ESF1: variants seen among roughly 807,000 people sequenced by gnomAD.
The protein encoded by ESF1 is ESF1 homolog.
A neutral mutation model predicts 92.0 loss-of-function variants in ESF1; 58 were observed. The ratio of observed to expected loss-of-function variants is 0.63; its 90% CI spans 0.51 to 0.78. The LOEUF (loss-of-function observed/expected upper bound fraction) is 0.78, where lower values mean the gene tolerates loss of function less well. Ranked by LOEUF, ESF1 falls within the 30% of genes least tolerant of loss-of-function variation. The probability of loss-of-function intolerance (pLI) is 0.00; values close to 1 mark genes in which losing one functional copy is unlikely to be tolerated. For missense variants in ESF1, 922 were observed against 989.1 expected, an observed-to-expected ratio of 0.93 and a Z score of 0.91; for synonymous variants, 321 against 313.7, an observed-to-expected ratio of 1.02 and a Z score of -0.24.
chr20:13,740,479 TAG>T (rs2050005054), intron 9 of ESF1, among the ~76,000 whole-genome samples: 1 of 152,106 alleles, frequency 6.6e-6, no homozygotes, highest in Admixed American at 6.5e-5. Flanking sequence ...CAGCACGTTG[TAG>T]AGATTCAAAG....
intron 9 of ESF1, among the ~76,000 whole-genome samples, chr20:13,745,897 AATAC>A (rs2147745205): frequency 6.8e-6 from 1 of 146,870 alleles, no homozygotes; most frequent in South Asian, 2.1e-4. Context: ...AAGAATGACT[AATAC>A]ATAACTGGGA....
chr20:13,784,755 G>T, intron 1 of ESF1, 125 bp downstream of exon 1: 1 of 401,242 alleles, frequency 2.5e-6, no homozygotes. Context: ...CAGGAGGAAG[G>T]GGCAAAACCC....
intron 9 of ESF1, among the ~76,000 whole-genome samples, chr20:13,747,402 T>C: frequency 6.6e-6 from 1 of 151,492 alleles, no homozygotes; most frequent in East Asian, 1.9e-4. Context: ...CTACTAAAAA[T>C]ACAAAAATTA....
rs760184707 is a variant in ESF1 at position 13,772,502 on chromosome 20, A to G, written c.1250+13T>C. The G allele has an allele frequency of 6.4e-7, 1 of 1,552,874 alleles. No homozygotes were observed. Among genetic ancestry groups the G allele is most frequent in the Non-Finnish European group, 8.9e-7 (1 of 1,125,512 alleles). Reference sequence around the variant, plus strand: ...TATGAGGTTTAGTTTTATGTTCTATAGTGATTTAATACCAGTCTTTTTCTG... The same window carrying G: ...TATGAGGTTTAGTTTTATGTTCTATGGTGATTTAATACCAGTCTTTTTCTG... On this transcript the variant is annotated intron_variant, in intron 5 of 13. Coordinates refer to ENST00000617257, the MANE Select transcript of ESF1 (RefSeq NM_001276380.2).
intron 9 of ESF1, among the ~76,000 whole-genome samples, chr20:13,752,432 C>G (rs1978680917): frequency 6.6e-6 from 1 of 152,032 alleles, no homozygotes; most frequent in Admixed American, 6.6e-5. Flanking sequence ...CATTTAATGC[C>G]CTCTTCTATA....
In ESF1 at chr20:13,717,512, A is replaced by G. The variant is rs998684617; in HGVS notation, c.2118T>C (p.Ala706=). The G allele has an allele frequency of 1.2e-6, 2 of 1,613,298 alleles. No homozygotes were observed. Among genetic ancestry groups the G allele is most frequent in the Admixed American group, 3.3e-5 (2 of 59,900 alleles). The change falls in exon 13 of 14, where the codon GCT becomes GCC. Residue 706 remains alanine, a splice_region_variant and synonymous_variant. Transcript: ENST00000617257. ...EEEIEIERQK[A]EMALLMMDED... ...CATCCATCATAAGCAAAGCCATTTC[A>G]GCCTGTAGAGAGCAAAAAAAAGTTC...
rs1377831176 is a variant in ESF1, at chr20:13,733,701, G to T, written c.1950+20C>A. ...ATGGTTGGTATTCAACAAACATTTGGTCATAATTATCAATGATACCTTCTG... is the reference window on the plus strand; with the variant it reads ...ATGGTTGGTATTCAACAAACATTTGTTCATAATTATCAATGATACCTTCTG... On this transcript the variant is annotated intron_variant, in intron 10 of 13. Coordinates refer to ENST00000617257, the MANE Select transcript of ESF1 (RefSeq NM_001276380.2). 6.2e-7 allele frequency: 1 copy of T among 1,606,118 alleles called. No individual in the cohort carries two copies. Among genetic ancestry groups the T allele is most frequent in the East Asian group, 2.2e-5 (1 of 44,740 alleles).
At chr20:13,756,209 A>G (rs2147757679) in intron 9 of ESF1, among the ~76,000 whole-genome samples, 1 of 152,346 alleles carries the variant, frequency 6.6e-6, no homozygotes, top group East Asian at 1.9e-4. Context: ...TGAGGTACAG[A>G]AAGATTGCTC....
chr20:13,730,512 T>C (rs912420630), intron 10 of ESF1, among the ~76,000 whole-genome samples: 6 of 151,842 alleles, frequency 4.0e-5, no homozygotes, highest in African/African-American at 1.2e-4. Context: ...GCCTCCCAAG[T>C]AGCTGGGACC....
chr20:13,730,385 C>CTT (rs761416984), intron 10 of ESF1, among the ~76,000 whole-genome samples: 19 of 134,182 alleles, frequency 1.4e-4, no homozygotes, highest in African/African-American at 2.8e-4. Flanking sequence ...AGAACAAGTG[C>CTT]TTTTTTTTTT....
intron 9 of ESF1, among the ~76,000 whole-genome samples, chr20:13,742,775 C>G (rs866120592): frequency 5.3e-5 from 8 of 152,250 alleles, no homozygotes; most frequent in Admixed American, 3.3e-4. Flanking sequence ...AACACACCCA[C>G]ACTTCCTCCC....
intron 9 of ESF1, among the ~76,000 whole-genome samples, chr20:13,753,873 T>C (rs75132427): frequency 0.016 from 2,469 of 152,320 alleles, 73 homozygotes; most frequent in African/African-American, 0.055. Context: ...CAGTAGGATA[T>C]AAATAACTTC....
intron 11 of ESF1, among the ~76,000 whole-genome samples, chr20:13,721,267 A>G (rs1189293811): frequency 6.6e-6 from 1 of 152,246 alleles, no homozygotes; most frequent in African/African-American, 2.4e-5. Context: ...GAAGGAAATT[A>G]TTTCGCCTAT....
intron 10 of ESF1, among the ~76,000 whole-genome samples, chr20:13,732,017 G>C (rs2049946718): frequency 6.6e-6 from 1 of 152,224 alleles, no homozygotes; most frequent in Non-Finnish European, 1.5e-5. Context: ...GCAAATGTGT[G>C]TAAATGTTTC....
intron 9 of ESF1, among the ~76,000 whole-genome samples, chr20:13,742,484 A>C (rs532963686): frequency 6.6e-6 from 1 of 152,156 alleles, no homozygotes; most frequent in East Asian, 1.9e-4. Context: ...AAGAAAAAAA[A>C]AAAGTTCAAC....
At chr20:13,729,605 A>C (rs2049928036) in intron 10 of ESF1, among the ~76,000 whole-genome samples, 2 of 152,340 alleles carry the variant, frequency 1.3e-5, no homozygotes, top group East Asian at 1.9e-4. Flanking sequence ...ACTGTGAATT[A>C]TCTCTTAAAT....
At chr20:13,731,953 C>T (rs1484690449) in intron 10 of ESF1, among the ~76,000 whole-genome samples, 1 of 152,240 alleles carries the variant, frequency 6.6e-6, no homozygotes, top group African/African-American at 2.4e-5. Flanking sequence ...GCCCTTCCCC[C>T]ATACCTTACC....
At chr20:13,738,314 A>C (rs959337312) in intron 9 of ESF1, among the ~76,000 whole-genome samples, 1 of 81,338 alleles carries the variant, frequency 1.2e-5, no homozygotes, top group African/African-American at 4.4e-5. Context: ...CCTCTCTCCT[A>C]AACTTTTTTT....
intron 9 of ESF1, among the ~76,000 whole-genome samples, chr20:13,752,567 A>T (rs950255985): frequency 6.6e-5 from 10 of 152,258 alleles, no homozygotes; most frequent in Non-Finnish European, 1.2e-4. Flanking sequence ...CTAAACAGTG[A>T]ACAGGTTTTG....
Sources: allele counts gnomAD v4.1 joint callset (sites outside exome capture counted in the v4.1 genomes callset), GRCh38; gene constraint gnomAD v4.1.1; transcripts MANE v1.5; gene names NCBI Gene and HGNC (gene_info 2026-07-23, HGNC 2026-07-21).